The following MTCL2 variants were observed in gnomAD, a reference collection of about 807,000 sequenced individuals.
MTCL2 encodes the protein microtubule crosslinking factor 2, also known as microtubule cross-linking factor 2.
chr20:36,837,974 A>G, the MTCL2 span, among the ~76,000 whole-genome samples: 2 of 152,236 alleles, frequency 1.3e-5, no homozygotes, highest in African/African-American at 4.8e-5. Flanking sequence ...ACTTTGCTCA[A>G]AATAATAAAG....
At chr20:36,851,377 C>T in the MTCL2 span, among the ~76,000 whole-genome samples, 1 of 152,202 alleles carries the variant, frequency 6.6e-6, no homozygotes, top group East Asian at 1.9e-4. Flanking sequence ...ACCCAAATCC[C>T]ATCGTACAGC....
chr20:36,813,148 A>G, the MTCL2 span, among the ~76,000 whole-genome samples: 4 of 151,982 alleles, frequency 2.6e-5, no homozygotes, highest in Non-Finnish European at 4.4e-5. Context: ...CACATGTGTG[A>G]CCTCTGTTCA....
the MTCL2 span, among the ~76,000 whole-genome samples, chr20:36,814,294 G>A: frequency 3.9e-5 from 6 of 152,222 alleles, no homozygotes; most frequent in African/African-American, 9.6e-5. Context: ...GATACATTGC[G>A]TTAAAAATAT....
the MTCL2 span, chr20:36,808,609 C>T: frequency 6.2e-7 from 1 of 1,611,804 alleles, no homozygotes; most frequent in African/African-American, 1.3e-5. Context: ...GGAAGTTGTG[C>T]TTGAATTGCT....
At chr20:36,794,720 T>C in the MTCL2 span, 1 of 1,304,438 alleles carries the variant, frequency 7.7e-7, no homozygotes, top group Non-Finnish European at 1.1e-6. The surrounding 1 kb of genome is among the most constrained non-coding windows in gnomAD (Gnocchi z 5.4). Context: ...CTTGTTCACC[T>C]CTTGTAGAGA....
chr20:36,794,385 G>A, the MTCL2 span: 26 of 1,613,036 alleles, frequency 1.6e-5, no homozygotes, highest in South Asian at 2.7e-4. The surrounding 1 kb of genome is among the most constrained non-coding windows in gnomAD (Gnocchi z 5.4). Context: ...CTCCCTGGGG[G>A]GTCCTGGCAG....
At chr20:36,789,845 CAG>C in the MTCL2 span, among the ~76,000 whole-genome samples, 3 of 152,018 alleles carry the variant, frequency 2.0e-5, no homozygotes, top group Non-Finnish European at 4.4e-5. Flanking sequence ...ATTTTTGAGA[CAG>C]AGTCTCACTC....
At chr20:36,846,736 G>T in the MTCL2 span, among the ~76,000 whole-genome samples, 1 of 152,230 alleles carries the variant, frequency 6.6e-6, no homozygotes, top group Non-Finnish European at 1.5e-5. Context: ...GCCAGGCACG[G>T]CGGCTCACGC....
At chr20:36,829,287 G>A in the MTCL2 span, 770 of 1,435,986 alleles carry the variant, frequency 5.4e-4, 1 homozygote, top group Middle Eastern at 8.9e-4. Flanking sequence ...CTGACCACCC[G>A]ACTTTCACAG....
At chr20:36,810,077 C>A in the MTCL2 span, 1 of 1,598,652 alleles carries the variant, frequency 6.3e-7, no homozygotes, top group Non-Finnish European at 8.5e-7. Context: ...CTGTCGTGGG[C>A]CTCAGCCAGC....
At chr20:36,810,077 C>T in the MTCL2 span, 9 of 1,598,652 alleles carry the variant, frequency 5.6e-6, no homozygotes, top group African/African-American at 1.2e-4. Context: ...CTGTCGTGGG[C>T]CTCAGCCAGC....
chr20:36,817,355 C>T, the MTCL2 span: 1 of 1,494,838 alleles, frequency 6.7e-7, no homozygotes, highest in South Asian at 1.3e-5. Context: ...CACTTAGAGT[C>T]AGGCTCAGGT....
At chr20:36,822,797 G>A in the MTCL2 span, among the ~76,000 whole-genome samples, 74 of 148,590 alleles carry the variant, frequency 5.0e-4, no homozygotes, top group South Asian at 7.4e-3. Flanking sequence ...TCACTCTGTC[G>A]CCCAGGCTGG....
chr20:36,832,408 T>G, the MTCL2 span, among the ~76,000 whole-genome samples: 1,768 of 152,344 alleles, frequency 0.012, 11 homozygotes, highest in Middle Eastern at 0.037. Flanking sequence ...TTCTGGATCC[T>G]CTGGGGTTCA....
the MTCL2 span, among the ~76,000 whole-genome samples, chr20:36,845,475 C>T: frequency 6.6e-6 from 1 of 152,290 alleles, no homozygotes; most frequent in Non-Finnish European, 1.5e-5. Flanking sequence ...GCCTAGGCCT[C>T]TCAGGGGGCT....
chr20:36,852,287 T>C, the MTCL2 span, among the ~76,000 whole-genome samples: 1 of 152,112 alleles, frequency 6.6e-6, no homozygotes, highest in Non-Finnish European at 1.5e-5. Context: ...ACCCTGGCTC[T>C]GGGCCACTCG....
chr20:36,784,387 G>A, the MTCL2 span: 1 of 985,810 alleles, frequency 1.0e-6, no homozygotes, highest in African/African-American at 1.7e-5. Flanking sequence ...CAGGACTTGG[G>A]GTAACTGGTC....
At chr20:36,797,037 T>C in the MTCL2 span, 1 of 1,168,392 alleles carries the variant, frequency 8.6e-7, no homozygotes, top group Non-Finnish European at 1.3e-6. Context: ...CCGACCTCAG[T>C]GCTTGAATCT....
the MTCL2 span, chr20:36,785,544 C>T: frequency 4.1e-6 from 4 of 985,312 alleles, no homozygotes; most frequent in Non-Finnish European, 4.8e-6. Context: ...CTGGGAATAT[C>T]TTTGCCCCCC....
Sources: gnomAD v4.1 joint callset for allele counts (sites outside exome capture counted in the v4.1 genomes callset) on GRCh38, gnomAD v4.1.1 for gene constraint, Gnocchi (gnomAD v3.1) non-coding constraint, MANE v1.5 for transcripts, NCBI Gene and HGNC (gene_info 2026-07-23, HGNC 2026-07-21) for gene names.